Variants in GAS7 observed in about 807,000 individuals in gnomAD.
GAS7 encodes the protein growth arrest specific 7, also known as growth arrest-specific protein 7.
A neutral mutation model predicts 71.1 loss-of-function variants in GAS7; 28 were observed. The observed-to-expected ratio is 0.39, with a 90% CI of 0.29 to 0.54. The LOEUF (loss-of-function observed/expected upper bound fraction) is 0.54, where lower values mean the gene tolerates loss of function less well. Ranked by LOEUF, GAS7 falls within the 20% of genes least tolerant of loss-of-function variation. The pLI, the probability that GAS7 is intolerant of heterozygous loss-of-function variation, is 0.62. For missense variants in GAS7, 436 were observed against 627.8 expected (o/e 0.69, Z 3.27); for synonymous variants, 258 against 245.8 (o/e 1.05, Z -0.46).
In GAS7 at chr17:9,928,093, A is replaced by G. The variant is rs560804409; in HGVS notation, c.886-1324T>C. Among the ~76,000 whole-genome samples the G allele has an allele frequency of 2.0e-5, 3 of 149,608 alleles. No individual in the cohort carries two copies. In the Admixed American group the frequency reaches 2.0e-4, roughly 10 times the overall value. On this transcript the variant is annotated intron_variant, in intron 9 of 13. Transcript: ENST00000432992. ...ATTTGTTCCTTTTGTTTGTGAGCAT[A>G]ACATTTATTTATTTTTTATTTATTT...
chr17:9,970,881 C>T (rs927990674), intron 3 of GAS7, among the ~76,000 whole-genome samples: 14 of 152,204 alleles, frequency 9.2e-5, no homozygotes, highest in Non-Finnish European at 1.9e-4. Flanking sequence ...CGAATTCACA[C>T]TGGGACCCAC....
intron 4 of GAS7, among the ~76,000 whole-genome samples, chr17:9,961,113 C>G (rs3826530): frequency 0.019 from 2,593 of 137,574 alleles, 29 homozygotes; most frequent in African/African-American, 0.036. Context: ...ATACATGGAT[C>G]TGATCTACAC....
intron 5 of GAS7, among the ~76,000 whole-genome samples, chr17:9,949,114 G>A (rs570371359): frequency 1.5e-4 from 23 of 152,246 alleles, no homozygotes; most frequent in Non-Finnish European, 7.3e-5. Flanking sequence ...GCTGGGATAG[G>A]AGGGCGGACA....
chr17:9,980,484 C>T (rs1366523718), intron 3 of GAS7, among the ~76,000 whole-genome samples: 1 of 152,238 alleles, frequency 6.6e-6, no homozygotes, highest in Non-Finnish European at 1.5e-5. Flanking sequence ...CAGGCTCTCA[C>T]CTCCCTTCCA....
chr17:10,128,765 GCCCA>G, intron 1 of GAS7, among the ~76,000 whole-genome samples: 1 of 151,622 alleles, frequency 6.6e-6, no homozygotes, highest in South Asian at 2.1e-4. Context: ...GATTACAGGC[GCCCA>G]CCACCGCGCC....
intron 4 of GAS7, among the ~76,000 whole-genome samples, chr17:9,960,093 C>A (rs2152113237): frequency 6.6e-6 from 1 of 152,276 alleles, no homozygotes; most frequent in African/African-American, 2.4e-5. Flanking sequence ...GGGATGTCTC[C>A]TATCCTGAGC....
chr17:10,023,322 G>A (rs950901518), intron 1 of GAS7, among the ~76,000 whole-genome samples: 3 of 152,154 alleles, frequency 2.0e-5, no homozygotes, highest in Non-Finnish European at 2.9e-5. Flanking sequence ...AAAGTCAAAA[G>A]ACATGGAGAC....
chr17:10,125,608 CT>C (rs2073939423), intron 1 of GAS7, among the ~76,000 whole-genome samples: 1 of 146,132 alleles, frequency 6.8e-6, no homozygotes, highest in African/African-American at 2.5e-5. Context: ...ATTGTTCTTT[CT>C]TTCCCAGTTG....
chr17:10,167,042 G>GTTTTTT (rs2074299307), intron 1 of GAS7, among the ~76,000 whole-genome samples: 1 of 46,610 alleles, frequency 2.1e-5, no homozygotes, highest in African/African-American at 9.8e-5. Context: ...ATTTCCATTT[G>GTTTTTT]TCTTTTTTTT....
chr17:9,982,833 GAAA>G (rs775046195), intron 2 of GAS7, among the ~76,000 whole-genome samples: 22 of 117,356 alleles, frequency 1.9e-4, no homozygotes, highest in Non-Finnish European at 3.2e-4. Flanking sequence ...AGGAAAGAAA[GAAA>G]GAAAGAAAGA....
chr17:10,015,165 AAAAG>A (rs1425571766), intron 2 of GAS7, among the ~76,000 whole-genome samples: 1 of 99,628 alleles, frequency 1.0e-5, no homozygotes, highest in African/African-American at 8.0e-5. Flanking sequence ...AAAAAAAAAG[AAAAG>A]AAAAGAAAAG....
Position 10,198,549 on chromosome 17 carries a change from G to A in GAS7, c.-159C>T, listed in dbSNP as rs974313846. 5 of 415,400 alleles carry A rather than the reference G, an allele frequency of 1.2e-5. No individual in the cohort carries two copies. The highest frequency in any genetic ancestry group is 8.4e-5 in the African/African-American group (4 of 47,860). 25.7% of individuals were successfully genotyped at this position (415,400 alleles called of 1,614,324 possible). On this transcript the variant is annotated 5_prime_UTR_variant, in exon 1 of 14. Coordinates refer to ENST00000432992, the MANE Select transcript of GAS7 (RefSeq NM_201433.2). ...CGCGGGGGTCCTCAGGCAGGCGGGG[G>A]ACGCGCGCTCCGCGCCGGGAAGCAG...
chr17:10,095,441 C>T (rs578237289), intron 1 of GAS7, among the ~76,000 whole-genome samples: 75 of 152,228 alleles, frequency 4.9e-4, no homozygotes, highest in South Asian at 3.7e-3. Flanking sequence ...AGATTACAGG[C>T]GTGAGTCACC....
chr17:10,181,101 C>T (rs1211093410), intron 1 of GAS7, among the ~76,000 whole-genome samples: 1 of 149,590 alleles, frequency 6.7e-6, no homozygotes, highest in Admixed American at 6.6e-5. Context: ...GTGGCTCACG[C>T]CTGTAATCCC....
intron 1 of GAS7, among the ~76,000 whole-genome samples, chr17:10,181,518 G>A (rs2061784223): frequency 6.6e-6 from 1 of 152,120 alleles, no homozygotes; most frequent in Admixed American, 6.6e-5. Flanking sequence ...AAGCAAAGCT[G>A]TACCCAAGAA....
intron 1 of GAS7, among the ~76,000 whole-genome samples, chr17:10,052,794 C>G (rs2073080436): frequency 6.6e-6 from 1 of 152,196 alleles, no homozygotes. Flanking sequence ...CACTTTGGGG[C>G]TTTCTCCTGG....
At chr17:10,131,907 T>C (rs1156516207) in intron 1 of GAS7, among the ~76,000 whole-genome samples, 1 of 151,988 alleles carries the variant, frequency 6.6e-6, no homozygotes. Context: ...CATGTAGTCA[T>C]AAATGTATAA....
At chr17:9,937,731 T>TTTAA (rs1269005709) in intron 8 of GAS7, among the ~76,000 whole-genome samples, 1 of 152,118 alleles carries the variant, frequency 6.6e-6, no homozygotes, top group Non-Finnish European at 1.5e-5. Flanking sequence ...TTTGGACTGG[T>TTTAA]TTAACATCAT....
chr17:10,169,608 T>G (rs2074320473), intron 1 of GAS7, among the ~76,000 whole-genome samples: 1 of 152,120 alleles, frequency 6.6e-6, no homozygotes, highest in Non-Finnish European at 1.5e-5. Context: ...CTGTCTGGTT[T>G]CCTGGTTTTC....
Sources: gnomAD v4.1 joint callset for allele counts (sites outside exome capture counted in the v4.1 genomes callset) on GRCh38, gnomAD v4.1.1 for gene constraint, MANE v1.5 for transcripts, NCBI Gene and HGNC (gene_info 2026-07-23, HGNC 2026-07-21) for gene names.